Variants in GAS2 observed in about 807,000 individuals in gnomAD.
GAS2 encodes growth arrest specific 2, also known as growth arrest-specific protein 2.
GAS2 carries 20 observed loss-of-function variants against 37.5 expected under a neutral mutation model. The observed-to-expected ratio is 0.53, with a 90% CI of 0.37 to 0.77. GAS2 has a LOEUF of 0.77. GAS2 is among the 30% of genes least tolerant of loss of function. The pLI, the probability that GAS2 is intolerant of heterozygous loss-of-function variation, is 0.00. For synonymous variants in GAS2, 144 were observed against 132.2 expected (o/e 1.09, Z -0.61); for missense variants, 336 against 373.4 (o/e 0.90, Z 0.82).
chr11:22,748,825 A>G (rs1264592312), intron 5 of GAS2, among the ~76,000 whole-genome samples: 5 of 152,104 alleles, frequency 3.3e-5, no homozygotes, highest in Non-Finnish European at 4.4e-5. Context: ...CCAAATTTAC[A>G]TGGTTATTCA....
chr11:22,812,747 T>C lies in GAS2; in HGVS notation c.*731T>C, dbSNP rs1420998060. 6.6e-6 allele frequency: 1 copy of C among 152,630 alleles called. No homozygotes were observed. The highest frequency in any genetic ancestry group is 1.5e-5 in the Non-Finnish European group (1 of 68,014). 9.5% of individuals were successfully genotyped at this position (152,630 alleles called of 1,614,324 possible). On this transcript the variant is annotated 3_prime_UTR_variant, in exon 8 of 8. Coordinates refer to ENST00000454584, the MANE Select transcript of GAS2 (RefSeq NM_001143830.3). Reference sequence around the variant, plus strand: ...TCATACATGAGCTGACATACGTTGATACTTTGACGAGTAAATTGTACAGTC... The same window carrying C: ...TCATACATGAGCTGACATACGTTGACACTTTGACGAGTAAATTGTACAGTC...
chr11:22,738,491 A>C (rs1245146968), intron 5 of GAS2, among the ~76,000 whole-genome samples: 1 of 152,210 alleles, frequency 6.6e-6, no homozygotes, highest in Non-Finnish European at 1.5e-5. Flanking sequence ...AAGAACAAGA[A>C]ATGAAGATAC....
chr11:22,690,817 C>T (rs776190192), intron 3 of GAS2, among the ~76,000 whole-genome samples: 5 of 152,072 alleles, frequency 3.3e-5, no homozygotes, highest in Admixed American at 6.6e-5. Context: ...TTTCTTTTCC[C>T]GGTCCAAATA....
At chr11:22,777,506 G>A (rs553332079) in intron 7 of GAS2, among the ~76,000 whole-genome samples, 82 of 152,214 alleles carry the variant, frequency 5.4e-4, no homozygotes, top group African/African-American at 1.9e-3. Flanking sequence ...GTGACAAGTA[G>A]GATCAATATG....
chr11:22,640,805 C>T (rs1422518920), intron 1 of GAS2, among the ~76,000 whole-genome samples: 1 of 151,950 alleles, frequency 6.6e-6, no homozygotes, highest in Non-Finnish European at 1.5e-5. Flanking sequence ...TGGTTGACTG[C>T]CTATGCTTTG....
rs760677626 is a variant in GAS2 at position 22,674,899 on chromosome 11, C to T, written c.30C>T (p.Arg10=). MCTALSPKV[R]SGPGLSDMHQ... The stretch of plus-strand genomic sequence containing the variant: ...GCACTGCTCTGAGCCCAAAGGTACG[C>T]AGTGGACCTGGCCTCTCTGATATGC... The change falls in exon 2 of 8, where the codon CGC becomes CGT. Residue 10 remains arginine, a synonymous_variant. Coordinates refer to ENST00000454584, the MANE Select transcript of GAS2 (RefSeq NM_001143830.3). The T allele has an allele frequency of 1.2e-6, 2 of 1,612,968 alleles. No individual in the cohort carries two copies. The highest frequency in any genetic ancestry group is 1.7e-4 in the Middle Eastern group (1 of 6,046).
chr11:22,787,472 ATTG>A (rs1289541361), intron 7 of GAS2, among the ~76,000 whole-genome samples: 3 of 152,022 alleles, frequency 2.0e-5, no homozygotes, highest in Non-Finnish European at 4.4e-5. Flanking sequence ...TGTATACATA[ATTG>A]TTGTGTGTAT....
At chr11:22,688,752 T>G (rs1403998760) in intron 3 of GAS2, among the ~76,000 whole-genome samples, 1 of 152,086 alleles carries the variant, frequency 6.6e-6, no homozygotes, top group East Asian at 1.9e-4. Context: ...GTGATAAAGG[T>G]TTTAGTATAA....
intron 2 of GAS2, among the ~76,000 whole-genome samples, chr11:22,677,499 A>G (rs1849482911): frequency 6.6e-6 from 1 of 152,170 alleles, no homozygotes; most frequent in Non-Finnish European, 1.5e-5. Context: ...AAATGTTCTA[A>G]ACAGAGGAAG....
At chr11:22,763,490 A>G (rs1219439391) in intron 7 of GAS2, among the ~76,000 whole-genome samples, 1 of 152,142 alleles carries the variant, frequency 6.6e-6, no homozygotes, top group Admixed American at 6.5e-5. Flanking sequence ...TGTTGTGTGA[A>G]AATGTAAAGG....
At chr11:22,728,468 T>A (rs1852316629) in intron 4 of GAS2, among the ~76,000 whole-genome samples, 1 of 151,810 alleles carries the variant, frequency 6.6e-6, no homozygotes, top group Non-Finnish European at 1.5e-5. Flanking sequence ...AACTTTTAGA[T>A]GGCCTACTTC....
intron 3 of GAS2, among the ~76,000 whole-genome samples, chr11:22,712,391 C>G (rs1020880476): frequency 6.6e-6 from 1 of 152,142 alleles, no homozygotes; most frequent in Non-Finnish European, 1.5e-5. Flanking sequence ...TGCAGACATT[C>G]CTTAGCACCA....
rs1159108907 is a variant in GAS2, at chr11:22,732,448, A to G, written c.410-5257A>G. On this transcript the variant is annotated intron_variant, in intron 4 of 7. Transcript: ENST00000454584. The stretch of plus-strand genomic sequence containing the variant: ...CTATTTTAAATCATTCTTACTGGTG[A>G]TTCTGAGAAATGTGGATACTCACAC... Among the ~76,000 whole-genome samples the G allele has an allele frequency of 2.0e-4, 30 of 151,758 alleles. No individual in the cohort carries two copies. In the Admixed American group the frequency reaches 2.0e-3, roughly 10 times the overall value.
intron 5 of GAS2, among the ~76,000 whole-genome samples, chr11:22,744,010 C>T (rs1376386606): frequency 1.3e-5 from 2 of 152,054 alleles, no homozygotes; most frequent in African/African-American, 2.4e-5. Flanking sequence ...CTATTATGAA[C>T]ACCCTAGGTA....
In GAS2 at chr11:22,755,545, G is replaced by A. The variant is rs11026767; in HGVS notation, c.616-301G>A. 547 of 201,668 alleles carry A rather than the reference G, an allele frequency of 2.7e-3. 19 individuals carry two copies. In the East Asian group the frequency reaches 0.052, roughly 19 times the overall value. 12.5% of individuals were successfully genotyped at this position (201,668 alleles called of 1,614,324 possible). A position where few individuals can be genotyped will look rare whatever the true frequency, so the allele number is the denominator to read the frequency against. On this transcript the variant is annotated intron_variant, in intron 6 of 7. Coordinates refer to ENST00000454584, the MANE Select transcript of GAS2 (RefSeq NM_001143830.3). ...TGGTCTTTTTAGTCCTCCAAAAGTA[G>A]GAACCCAGCTGATTATGTATAGTCT... is the stretch of plus-strand genomic sequence containing the variant.
At chr11:22,717,538 C>A (rs954639238) in intron 3 of GAS2, among the ~76,000 whole-genome samples, 4 of 151,980 alleles carry the variant, frequency 2.6e-5, no homozygotes, top group African/African-American at 9.7e-5. Flanking sequence ...AAGAAAACAT[C>A]AGGAAAAACT....
chr11:22,766,745 A>G (rs1385550587), intron 7 of GAS2, among the ~76,000 whole-genome samples: 6 of 152,208 alleles, frequency 3.9e-5, no homozygotes, highest in Non-Finnish European at 5.9e-5. Flanking sequence ...TCTTCCAGAA[A>G]CAAAAATTTA....
At chr11:22,653,052 T>TC (rs562697129) in intron 1 of GAS2, among the ~76,000 whole-genome samples, 6 of 22,488 alleles carry the variant, frequency 2.7e-4, no homozygotes, top group African/African-American at 7.8e-4. Flanking sequence ...TTTCTTTCTT[T>TC]GCTTTCTTTC....
intron 7 of GAS2, among the ~76,000 whole-genome samples, chr11:22,757,927 A>C (rs1854139906): frequency 6.6e-6 from 1 of 152,152 alleles, no homozygotes; most frequent in Non-Finnish European, 1.5e-5. Context: ...TAAAAATTAA[A>C]ATTTCATAGG....
Sources: allele counts gnomAD v4.1 joint callset (sites outside exome capture counted in the v4.1 genomes callset), GRCh38; gene constraint gnomAD v4.1.1; transcripts MANE v1.5; gene names NCBI Gene and HGNC (gene_info 2026-07-23, HGNC 2026-07-21).